Variants in YJEFN3 observed in about 807,000 individuals in gnomAD.
The protein encoded by YJEFN3 is YjeF N-terminal domain containing 3.
Under a neutral mutation model 31.5 loss-of-function variants are expected in YJEFN3, and 29 were observed. The observed-to-expected ratio is 0.92, with a 90% CI of 0.69 to 1.26. YJEFN3 has a LOEUF of 1.26. Among genes scored for constraint, YJEFN3 ranks in the 50% most tolerant of loss-of-function variants. YJEFN3 has a pLI of 0.00. For missense variants in YJEFN3, 442 were observed against 425.4 expected (o/e 1.04, Z -0.34); for synonymous variants, 227 against 196.1 (o/e 1.16, Z -1.32).
intron 1 of YJEFN3, 132 bp downstream of exon 1, chr19:19,529,123 G>A: frequency 1.4e-6 from 2 of 1,479,396 alleles, no homozygotes; most frequent in Non-Finnish European, 1.8e-6. Flanking sequence ...CAGCCGGGAT[G>A]GAGGTTCAAC....
At chr19:19,530,076 G>C (rs2144654043) in intron 2 of YJEFN3, among the ~76,000 whole-genome samples, 1 of 152,310 alleles carries the variant, frequency 6.6e-6, no homozygotes, top group Middle Eastern at 3.4e-3. Context: ...AGAGAAGCAG[G>C]TAGGACTGAG....
At position 19,532,631 on chromosome 19, in the gene YJEFN3, G is replaced by A. The variant is rs2061168913; in HGVS notation, c.210-1G>A. 6.5e-7 allele frequency: 1 copy of A among 1,544,738 alleles called. No homozygotes were observed. The highest frequency in any genetic ancestry group is 8.7e-7 in the Non-Finnish European group (1 of 1,150,322). On this transcript the variant is annotated splice_acceptor_variant, in intron 2 of 6. Transcript: ENST00000514277. LOFTEE classifies it high-confidence loss of function. Reference sequence around the variant, plus strand: ...AGTGTCCCATCCCACTCTGTCCCCAGCACCGCGGAGGCAGCCGCCCTGGAG... The same window carrying A: ...AGTGTCCCATCCCACTCTGTCCCCAACACCGCGGAGGCAGCCGCCCTGGAG...
rs567551519 is a variant in YJEFN3 at position 19,528,979 on chromosome 19, G to C, written c.47G>C (p.Arg16Pro). 9.8e-5 allele frequency: 152 copies of C among 1,550,614 alleles called. No homozygotes were observed. The highest frequency in any genetic ancestry group is 1.3e-4 in the Non-Finnish European group (147 of 1,146,816). Residue 16 changes from arginine (R) to proline (P), a missense_variant, in exon 1 of 7, where the codon CGG becomes CCG. By Grantham distance (103) the Arg-to-Pro change is moderately radical. Transcript: ENST00000514277. ...GPDPSEAPEE[R>P]HFLRALELQP... is the part of the protein sequence containing the mutation. ...GACCCGTCGGAGGCGCCCGAAGAGC[G>C]GCATTTCCTCAGGTCAGCTGGGGAG...
chr19:19,532,608 T>C, intron 2 of YJEFN3, 24 bp from the exon 3 acceptor site: 1 of 1,475,894 alleles, frequency 6.8e-7, no homozygotes, highest in Non-Finnish European at 9.1e-7. Flanking sequence ...TGTCTCTGAG[T>C]GTCCCATCCC....
chr19:19,536,158 G>A (rs1283892169), intron 6 of YJEFN3: 1 of 321,480 alleles, frequency 3.1e-6, no homozygotes, highest in Non-Finnish European at 5.8e-6. Flanking sequence ...GGGAGGCGGC[G>A]TGCTGTCTGA....
chr19:19,533,834 T>A, intron 3 of YJEFN3: 1 of 985,446 alleles, frequency 1.0e-6, no homozygotes, highest in Non-Finnish European at 1.2e-6. Context: ...GCCAACTGTC[T>A]GGTTTTTGCA....
chr19:19,535,425 C>T lies in YJEFN3; in HGVS notation c.518C>T (p.Pro173Leu). Residue 173 changes from proline to leucine, a missense_variant, in exon 5 of 7, where the codon CCC becomes CTC. Physicochemically the swap from Pro to Leu is moderately conservative, Grantham distance 98. Coordinates refer to ENST00000514277, the MANE Select transcript of YJEFN3 (RefSeq NM_198537.4). ...LTTQCEKMDI[P>L]FLSYLPTEVQ... ...ACCCAGTGCGAGAAGATGGACATCC[C>T]CTTCCTGAGCTACCTGCCCACTGAG... 2.5e-6 allele frequency: 4 copies of T among 1,614,014 alleles called. No homozygotes were observed. The highest frequency in any genetic ancestry group is 3.4e-6 in the Non-Finnish European group (4 of 1,179,994).
chr19:19,532,294 C>T (rs1205276157), intron 2 of YJEFN3, among the ~76,000 whole-genome samples: 3 of 152,266 alleles, frequency 2.0e-5, no homozygotes, highest in African/African-American at 7.2e-5. Flanking sequence ...TTCTTGGTTC[C>T]CTCCGCCTTG....
At position 19,537,542 on chromosome 19, in the gene YJEFN3, A is replaced by G; in HGVS notation, c.*18A>G. On this transcript the variant is annotated 3_prime_UTR_variant, in exon 7 of 7. Coordinates refer to ENST00000514277, the MANE Select transcript of YJEFN3 (RefSeq NM_198537.4). ...CACTGTGACCGCCACCCGCGGCCAC[A>G]CCGCAGGGACCCTCGCCAATAAACA... The G allele has an allele frequency of 6.6e-7, 1 of 1,521,020 alleles. No homozygotes were observed. Among genetic ancestry groups the G allele is most frequent in the Non-Finnish European group, 8.8e-7 (1 of 1,135,092 alleles). The allele number at this position is 1,521,020 out of a possible 1,614,324, so 94.2% of individuals were successfully genotyped here.
intron 6 of YJEFN3, among the ~76,000 whole-genome samples, chr19:19,536,704 G>C (rs1476201466): frequency 1.3e-5 from 2 of 151,418 alleles, no homozygotes; most frequent in African/African-American, 2.4e-5. Context: ...GGGCGCAATG[G>C]CTCACACCCA....
chr19:19,530,412 C>A (rs904737263), intron 2 of YJEFN3, among the ~76,000 whole-genome samples: 4 of 151,718 alleles, frequency 2.6e-5, no homozygotes, highest in African/African-American at 9.7e-5. Context: ...GTGCCCCACC[C>A]CCAGGTTCCT....
chr19:19,531,718 C>CTTTTTTTTTTTTTTTTTTTTTTTTTTT (rs56747140), intron 2 of YJEFN3, among the ~76,000 whole-genome samples: 1 of 75,864 alleles, frequency 1.3e-5, no homozygotes, highest in African/African-American at 7.5e-5. Flanking sequence ...AACAAATAAC[C>CTTTTTTTTTTTTTTTTTTTTTTTTTTT]TTTTTTTTTT....
At chr19:19,533,235 C>A in intron 3 of YJEFN3, 1 of 989,310 alleles carries the variant, frequency 1.0e-6, no homozygotes, top group Non-Finnish European at 1.2e-6. Context: ...GAGGATGACA[C>A]AAGGGTGATA....
In YJEFN3 at chr19:19,532,700, T is replaced by A; in HGVS notation, c.278T>A (p.Val93Glu). 1.3e-6 allele frequency: 2 copies of A among 1,576,294 alleles called. No homozygotes were observed. Among genetic ancestry groups the A allele is most frequent in the Non-Finnish European group, 8.6e-7 (1 of 1,167,124 alleles). The change falls in exon 3 of 7, where the codon GTG becomes GAG. Residue 93 changes from valine to glutamate, a missense_variant. By Grantham distance (121) the Val-to-Glu change is moderately radical. Transcript: ENST00000514277. ...EDYRFGRQQL[V>E]ELCGHASAVA... Reference sequence around the variant, plus strand: ...TATCGCTTTGGGCGGCAGCAGCTCGTGGAGCTGTGCGGTCATGCTAGTGCC... The same window carrying A: ...TATCGCTTTGGGCGGCAGCAGCTCGAGGAGCTGTGCGGTCATGCTAGTGCC...
chr19:19,532,849 C>T (rs1335699957), intron 3 of YJEFN3, 109 bp downstream of exon 3: 5 of 1,124,660 alleles, frequency 4.4e-6, no homozygotes, highest in Admixed American at 2.5e-5. Context: ...TCCCTTTTTG[C>T]TTGGGCCTAC....
chr19:19,531,400 T>G (rs2061154333), intron 2 of YJEFN3, among the ~76,000 whole-genome samples: 1 of 152,194 alleles, frequency 6.6e-6, no homozygotes, highest in African/African-American at 2.4e-5. Context: ...CCTGGCTCTT[T>G]TTATTTATGT....
At chr19:19,536,268 G>A (rs2144669150) in intron 6 of YJEFN3, among the ~76,000 whole-genome samples, 1 of 152,328 alleles carries the variant, frequency 6.6e-6, no homozygotes, top group South Asian at 2.1e-4. Context: ...GTGGTGGCTA[G>A]GGTCAGAGAA....
At chr19:19,532,385 C>T (rs1291598149) in intron 2 of YJEFN3, among the ~76,000 whole-genome samples, 1 of 152,258 alleles carries the variant, frequency 6.6e-6, no homozygotes, top group Non-Finnish European at 1.5e-5. Flanking sequence ...GCATCTTCTG[C>T]CACCAGAGGG....
intron 3 of YJEFN3, chr19:19,533,540 TTCCTCTCCCTCC>T: frequency 1.5e-6 from 1 of 652,074 alleles, no homozygotes; most frequent in Non-Finnish European, 1.9e-6. Context: ...TCCTTTCTCC[TTCCTCTCCCTCC>T]TCCTCCCCCT....
Sources: allele counts gnomAD v4.1 joint callset (sites outside exome capture counted in the v4.1 genomes callset), GRCh38; gene constraint gnomAD v4.1.1; transcripts MANE v1.5; gene names NCBI Gene and HGNC (gene_info 2026-07-23, HGNC 2026-07-21).